Variants in THAP5 observed in about 807,000 individuals in gnomAD.
THAP5 encodes the protein THAP domain-containing protein 5.
A neutral mutation model predicts 34.0 loss-of-function variants in THAP5; 26 were observed. The ratio of observed to expected loss-of-function variants is 0.77; its 90% CI spans 0.56 to 1.06. The LOEUF is 1.06. Among genes scored for constraint, THAP5 ranks in the 50% least tolerant of loss-of-function variants. The pLI, the probability that THAP5 is intolerant of heterozygous loss-of-function variation, is 0.00. For missense variants in THAP5, 394 were observed against 452.8 expected, an observed-to-expected ratio of 0.87 and a Z score of 1.18; for synonymous variants, 125 against 153.0, an observed-to-expected ratio of 0.82 and a Z score of 1.35.
At chr7:108,557,187 AG>A, downstream of THAP5, among the ~76,000 whole-genome samples, 1 of 152,330 alleles carries the variant, frequency 6.6e-6, no homozygotes, top group South Asian at 2.1e-4. Flanking sequence ...GCTGCCACAA[AG>A]GTGTCTGAAA....
At chr7:108,559,454 C>T (rs1029576642), downstream of THAP5, among the ~76,000 whole-genome samples, 7 of 152,098 alleles carry the variant, frequency 4.6e-5, no homozygotes, top group African/African-American at 1.4e-4. Flanking sequence ...GCATACTATT[C>T]GTATACATGC....
Position 108,564,737 on chromosome 7 carries a change from A to G in THAP5, c.642T>C (p.Ser214=), listed in dbSNP as rs1790446287. The change falls in exon 3 of 3, where the codon AGT becomes AGC. Residue 214 remains serine (S), a synonymous_variant. Transcript: ENST00000415914. ...CTTGAGTTTCCAAAGATTGATGAATACTTTCTGAATTTGAAGTTGTCAAAG... is the reference window on the plus strand; with the variant it reads ...CTTGAGTTTCCAAAGATTGATGAATGCTTTCTGAATTTGAAGTTGTCAAAG... ...TITLTTSNSE[S]IHQSLETQEV... 1 of 1,613,422 alleles carries G rather than the reference A, an allele frequency of 6.2e-7. No individual in the cohort carries two copies. The highest frequency in any genetic ancestry group is 1.3e-5 in the African/African-American group (1 of 74,900).
At chr7:108,549,799 GT>G (rs1864342326), downstream of THAP5, among the ~76,000 whole-genome samples, 1 of 152,114 alleles carries the variant, frequency 6.6e-6, no homozygotes, top group African/African-American at 2.4e-5. Context: ...CAACACATTA[GT>G]TAATCTAATG....
At chr7:108,565,808 C>A (rs1056799232) in intron 2 of THAP5, 22 bp downstream of exon 2, 14 of 1,519,266 alleles carry the variant, frequency 9.2e-6, no homozygotes, top group African/African-American at 1.4e-5. Flanking sequence ...CTCAGCATTA[C>A]CCCTCTCCCA....
chr7:108,564,320 T>A lies in THAP5; in HGVS notation c.1059A>T (p.Gln353His). ...AAGACTTCAATCTACCTAGAGTTTG[T>A]TGCTCTTTTAACTCTAGAAGAGTTA... Reference protein sequence around the residue: ...SKITLLELKEQQTLGRLKSLE... With the variant: ...SKITLLELKEHQTLGRLKSLE... Residue 353 changes from glutamine (Q) to histidine (H), a missense_variant, in exon 3 of 3, where the codon CAA becomes CAT. Coordinates refer to ENST00000415914, the MANE Select transcript of THAP5 (RefSeq NM_001130475.3). The A allele has an allele frequency of 6.2e-7, 1 of 1,613,918 alleles. No homozygotes were observed. Among genetic ancestry groups the A allele is most frequent in the Non-Finnish European group, 8.5e-7 (1 of 1,179,888 alleles).
chr7:108,558,546 C>T (rs187814741), downstream of THAP5, among the ~76,000 whole-genome samples: 388 of 150,828 alleles, frequency 2.6e-3, 2 homozygotes, highest in African/African-American at 8.7e-3. Context: ...TACAGGCACG[C>T]GCCACCACAC....
chr7:108,545,320 C>T, the THAP5 span, among the ~76,000 whole-genome samples: 1 of 152,126 alleles, frequency 6.6e-6, no homozygotes, highest in Non-Finnish European at 1.5e-5. Flanking sequence ...TAGTATAGTT[C>T]CCAGAACAAT....
downstream of THAP5, among the ~76,000 whole-genome samples, chr7:108,557,614 C>T (rs1864396184): frequency 6.6e-6 from 1 of 152,212 alleles, no homozygotes; most frequent in Admixed American, 6.5e-5. Flanking sequence ...CCATCTGAGA[C>T]CTCCTCAGCC....
At position 108,569,639 on chromosome 7, in the gene THAP5, G is replaced by A. The variant is rs1168704439; in HGVS notation, c.-70C>T. On this transcript the variant is annotated 5_prime_UTR_variant, in exon 1 of 3. Coordinates refer to ENST00000415914, the MANE Select transcript of THAP5 (RefSeq NM_001130475.3). ...GGGCGGCCCTCCTCACTGAGGATGC[G>A]CCACAGGTCCAGGCCTCTCGAGCCC... is the stretch of plus-strand genomic sequence containing the variant. 5 of 1,531,808 alleles carry A rather than the reference G, an allele frequency of 3.3e-6. No homozygotes were observed. The East Asian group carries it at 1.2e-4, about 37-fold the overall frequency. 94.9% of individuals were successfully genotyped at this position (1,531,808 alleles called of 1,614,324 possible).
At chr7:108,566,456 T>G (rs1183024439) in intron 1 of THAP5, among the ~76,000 whole-genome samples, 2 of 152,244 alleles carry the variant, frequency 1.3e-5, no homozygotes, top group Non-Finnish European at 2.9e-5. Flanking sequence ...TGGCTTGTTG[T>G]CTATAATTCA....
At chr7:108,554,091 C>T (rs2154517850), downstream of THAP5, among the ~76,000 whole-genome samples, 2 of 152,192 alleles carry the variant, frequency 1.3e-5, no homozygotes, top group Non-Finnish European at 2.9e-5. Context: ...GCCATTCTGC[C>T]ATAGAATGAG....
At chr7:108,549,109 C>CAT in the THAP5 span, among the ~76,000 whole-genome samples, 1 of 149,380 alleles carries the variant, frequency 6.7e-6, no homozygotes, top group African/African-American at 2.5e-5. Flanking sequence ...CACACACACA[C>CAT]ACACACACAC....
chr7:108,561,291 T>A (rs563166759), downstream of THAP5, among the ~76,000 whole-genome samples: 182 of 151,074 alleles, frequency 1.2e-3, 7 homozygotes, highest in South Asian at 0.035. Flanking sequence ...AAAGACACGG[T>A]CTCACTTTGA....
At chr7:108,560,387 A>G (rs557938405), downstream of THAP5, among the ~76,000 whole-genome samples, 5 of 152,282 alleles carry the variant, frequency 3.3e-5, no homozygotes, top group East Asian at 1.9e-4. Flanking sequence ...GTTCTATACC[A>G]TGTGACCCTT....
At chr7:108,549,891 A>G (rs563932399), downstream of THAP5, among the ~76,000 whole-genome samples, 1 of 152,202 alleles carries the variant, frequency 6.6e-6, no homozygotes, top group East Asian at 1.9e-4. Flanking sequence ...TGTCATTTGG[A>G]CTGGTGGCTC....
chr7:108,558,044 C>T (rs1022580191), downstream of THAP5, among the ~76,000 whole-genome samples: 9 of 152,044 alleles, frequency 5.9e-5, no homozygotes, highest in Non-Finnish European at 1.3e-4. Context: ...AAGTGCTACA[C>T]ATTTGTAAAC....
At chr7:108,565,783 A>AAATCTGCCACTCTGC (rs1161265085) in intron 2 of THAP5, 47 bp downstream of exon 2, 14 of 1,400,810 alleles carry the variant, frequency 1.0e-5, no homozygotes, top group Middle Eastern at 2.6e-4. Context: ...TGCCACCCTG[A>AAATCTGCCACTCTGC]AATCTGCCAC....
At position 108,564,312 on chromosome 7, in the gene THAP5, A is replaced by G; in HGVS notation, c.1067T>C (p.Leu356Pro). Residue 356 changes from leucine to proline, a missense_variant, in exon 3 of 3, where the codon CTA becomes CCA. Physicochemically the swap from Leu to Pro is moderately conservative, Grantham distance 98 (BLOSUM62 -3). Transcript: ENST00000415914. ...AGCTTCCAAAGACTTCAATCTACCT[A>G]GAGTTTGTTGCTCTTTTAACTCTAG... Reference protein sequence around the residue: ...TLLELKEQQTLGRLKSLEALI... With the variant: ...TLLELKEQQTPGRLKSLEALI... 1 of 1,613,654 alleles carries G rather than the reference A, an allele frequency of 6.2e-7. No homozygotes were observed. The highest frequency in any genetic ancestry group is 1.1e-5 in the South Asian group (1 of 91,076).
chr7:108,561,289 G>A (rs1177839850), downstream of THAP5, among the ~76,000 whole-genome samples: 2 of 149,562 alleles, frequency 1.3e-5, no homozygotes, highest in South Asian at 2.1e-4. Flanking sequence ...TTAAAGACAC[G>A]GTCTCACTTT....
Sources: gnomAD v4.1 joint callset for allele counts (sites outside exome capture counted in the v4.1 genomes callset) on GRCh38, gnomAD v4.1.1 for gene constraint, MANE v1.5 for transcripts, NCBI Gene and HGNC (gene_info 2026-07-23, HGNC 2026-07-21) for gene names.